Variants in PCCB observed in about 807,000 individuals in gnomAD.
PCCB encodes propionyl-CoA carboxylase subunit beta.
PCCB carries 43 observed loss-of-function variants against 60.7 expected under a neutral mutation model. That is an observed-to-expected ratio of 0.71 (90% CI 0.55 to 0.91). The LOEUF is 0.91. PCCB is among the 40% of genes least tolerant of loss of function. PCCB has a pLI of 0.00. For synonymous variants in PCCB, 276 were observed against 255.9 expected (o/e 1.08, Z -0.75); for missense variants, 766 against 702.8 (o/e 1.09, Z -1.02).
chr3:136,290,887 TG>T (rs909242257), intron 6 of PCCB, among the ~76,000 whole-genome samples: 4 of 151,926 alleles, frequency 2.6e-5, no homozygotes, highest in African/African-American at 9.7e-5. Flanking sequence ...AGTTTTGTTT[TG>T]TTTTTTTTGA....
chr3:136,273,349 T>G (rs1229886803), intron 5 of PCCB, among the ~76,000 whole-genome samples: 1 of 152,100 alleles, frequency 6.6e-6, no homozygotes, highest in Non-Finnish European at 1.5e-5. Flanking sequence ...AGGGTATACT[T>G]TAAGTCCATT....
chr3:136,273,693 G>A (rs1203826235), intron 5 of PCCB, among the ~76,000 whole-genome samples: 1 of 142,274 alleles, frequency 7.0e-6, no homozygotes, highest in African/African-American at 2.6e-5. Flanking sequence ...CGGGCGGATC[G>A]CGAGGTCAGG....
chr3:136,265,645 C>T (rs1263134346), intron 5 of PCCB, among the ~76,000 whole-genome samples: 2 of 151,946 alleles, frequency 1.3e-5, no homozygotes, highest in East Asian at 1.9e-4. Flanking sequence ...TTTTCATAAC[C>T]CTTGGATAGA....
At chr3:136,252,339 C>A in intron 1 of PCCB, 1 of 455,210 alleles carries the variant, frequency 2.2e-6, no homozygotes, top group South Asian at 1.6e-5. Context: ...TTCTGCTTCC[C>A]AGCTTCAAGC....
In PCCB at chr3:136,303,475, G is replaced by C. The variant is rs745784923; in HGVS notation, c.966+2364G>C. Among the ~76,000 whole-genome samples, 5 of 122,202 alleles carry C rather than the reference G, an allele frequency of 4.1e-5. 1 individual carries two copies. The highest frequency in any genetic ancestry group is 2.9e-4 in the Admixed American group (3 of 10,278). 80.2% of individuals were successfully genotyped at this position (122,202 alleles called of 152,430 possible). A position where few individuals can be genotyped will look rare whatever the true frequency, so the allele number is the denominator to read the frequency against. ...CTAAACTTCCTTCATTCCTGAAGTT[G>C]TATATTCTGTTTGCTAATGTTTTGA... On this transcript the variant is annotated intron_variant, in intron 9 of 14. Coordinates refer to ENST00000251654, the MANE Select transcript of PCCB (RefSeq NM_000532.5).
At chr3:136,251,911 C>T (rs1941527463) in intron 1 of PCCB, among the ~76,000 whole-genome samples, 1 of 151,700 alleles carries the variant, frequency 6.6e-6, no homozygotes. Context: ...GAGTTTTGCT[C>T]TTGTTGCCCA....
At chr3:136,291,623 TC>T in intron 6 of PCCB, among the ~76,000 whole-genome samples, 1 of 152,158 alleles carries the variant, frequency 6.6e-6, no homozygotes, top group Non-Finnish European at 1.5e-5. Context: ...GCTGGCCATT[TC>T]CCCTCTTCCA....
chr3:136,264,041 G>A (rs1941901056), intron 5 of PCCB, among the ~76,000 whole-genome samples: 1 of 151,316 alleles, frequency 6.6e-6, no homozygotes, highest in African/African-American at 2.4e-5. Flanking sequence ...AAACTTCACA[G>A]AAAAATGACA....
intron 5 of PCCB, among the ~76,000 whole-genome samples, chr3:136,265,186 C>T (rs1941954488): frequency 6.6e-6 from 1 of 152,152 alleles, no homozygotes; most frequent in Non-Finnish European, 1.5e-5. Context: ...GAGCGAGACT[C>T]CATCTCAAAA....
At chr3:136,293,334 A>G (rs915433191) in intron 6 of PCCB, among the ~76,000 whole-genome samples, 1 of 152,232 alleles carries the variant, frequency 6.6e-6, no homozygotes, top group East Asian at 1.9e-4. Flanking sequence ...AGCTTCATTT[A>G]AAGTGACTGG....
intron 1 of PCCB, chr3:136,251,106 T>C: frequency 4.8e-6 from 2 of 419,630 alleles, no homozygotes; most frequent in South Asian, 3.4e-5. Context: ...TTTAGGGCCT[T>C]AGCATGCCTC....
rs1382441376 is a variant in PCCB at position 136,328,860 on chromosome 3, A to C, written c.1498+3A>C. On this transcript the variant is annotated splice_donor_region_variant and intron_variant, in intron 14 of 14. Transcript: ENST00000251654. ...CCCTTTCCCTGCAGCAGTGCGAGGT[A>C]GGGGACTGTGGTGAAGAGGGCAGCT... 1.2e-6 allele frequency: 2 copies of C among 1,609,392 alleles called. No individual in the cohort carries two copies. Among genetic ancestry groups the C allele is most frequent in the South Asian group, 2.2e-5 (2 of 90,988 alleles).
chr3:136,250,595 G>T, intron 1 of PCCB, 37 bp downstream of exon 1: 1 of 1,580,678 alleles, frequency 6.3e-7, no homozygotes, highest in Non-Finnish European at 8.6e-7. Flanking sequence ...CCCGCCCCTG[G>T]CGTCCGCGAC....
At chr3:136,290,370 T>A in intron 6 of PCCB, among the ~76,000 whole-genome samples, 1 of 152,228 alleles carries the variant, frequency 6.6e-6, no homozygotes. Flanking sequence ...TCTTGCATGG[T>A]TTCTAAGAAA....
chr3:136,273,283 A>G (rs1407514612), intron 5 of PCCB, among the ~76,000 whole-genome samples: 1 of 152,152 alleles, frequency 6.6e-6, no homozygotes, highest in Non-Finnish European at 1.5e-5. Flanking sequence ...AAGAATGTAT[A>G]TTCTGCAGTT....
At chr3:136,327,070 G>C (rs770786735) in intron 11 of PCCB, 85 bp from the exon 12 acceptor site, 1 of 1,334,742 alleles carries the variant, frequency 7.5e-7, no homozygotes, top group South Asian at 1.2e-5. Context: ...GCCCTCTCCA[G>C]AGGTGGGAAA....
At chr3:136,258,602 G>A (rs1016515296) in intron 3 of PCCB, among the ~76,000 whole-genome samples, 2 of 152,026 alleles carry the variant, frequency 1.3e-5, no homozygotes, top group Non-Finnish European at 2.9e-5. Context: ...ATTGGCTGTT[G>A]GTGTATTCTG....
chr3:136,283,512 G>T (rs534726445), intron 5 of PCCB, among the ~76,000 whole-genome samples: 3 of 152,234 alleles, frequency 2.0e-5, no homozygotes, highest in South Asian at 4.2e-4. Flanking sequence ...CAGATGGGGG[G>T]CTTTGCATTT....
intron 1 of PCCB, chr3:136,251,148 A>G: frequency 2.2e-6 from 1 of 450,064 alleles, no homozygotes; most frequent in Non-Finnish European, 4.5e-6. Context: ...ACGTGTCGGA[A>G]GCAGGTGGCC....
Sources: gnomAD v4.1 joint callset for allele counts (sites outside exome capture counted in the v4.1 genomes callset) on GRCh38, gnomAD v4.1.1 for gene constraint, MANE v1.5 for transcripts, NCBI Gene and HGNC (gene_info 2026-07-23, HGNC 2026-07-21) for gene names.